PLCE1: variants seen among roughly 807,000 people sequenced by gnomAD.
PLCE1 encodes the protein phospholipase C epsilon 1, also known as 1-phosphatidylinositol 4,5-bisphosphate phosphodiesterase epsilon-1.
PLCE1 carries 119 observed loss-of-function variants against 242.8 expected under a neutral mutation model. The observed-to-expected ratio is 0.49, with a 90% confidence interval of 0.42 to 0.57. The LOEUF is 0.57. Among genes scored for constraint, PLCE1 ranks in the 20% least tolerant of loss-of-function variants. PLCE1 has a pLI of 0.00. For missense variants in PLCE1, 2,441 were observed against 2,788.8 expected, an observed-to-expected ratio of 0.88 and a Z score of 2.81; for synonymous variants, 945 against 1,017.4, an observed-to-expected ratio of 0.93 and a Z score of 1.35.
At chr10:94,016,940 T>TA (rs1425281161) in intron 1 of PLCE1, among the ~76,000 whole-genome samples, 1 of 152,206 alleles carries the variant, frequency 6.6e-6, no homozygotes, top group Non-Finnish European at 1.5e-5. Context: ...GTAATGATAT[T>TA]AAAAAATGAA....
intron 21 of PLCE1, 140 bp from the exon 22 acceptor site, chr10:94,284,708 G>A: frequency 1.5e-6 from 1 of 647,740 alleles, no homozygotes; most frequent in East Asian, 2.7e-5. Context: ...GAAAGCTGTT[G>A]GGACATGTAT....
intron 24 of PLCE1, among the ~76,000 whole-genome samples, chr10:94,302,512 T>C (rs2053073449): frequency 6.6e-6 from 1 of 151,964 alleles, no homozygotes; most frequent in Non-Finnish European, 1.5e-5. Context: ...TTGAGGTTGA[T>C]GTCATGATCA....
chr10:94,104,079 A>G (rs2045636796), intron 2 of PLCE1: 1 of 152,256 alleles, frequency 6.6e-6, no homozygotes, highest in East Asian at 1.9e-4. Flanking sequence ...AGGATGAGCA[A>G]GAGAGGAAGT....
rs751520919 is a variant in PLCE1 at position 94,236,001 on chromosome 10, C to T, written c.2301C>T (p.Val767=). The T allele has an allele frequency of 8.4e-5, 136 of 1,613,840 alleles. No homozygotes were observed. Among genetic ancestry groups the T allele is most frequent in the Non-Finnish European group, 1.0e-4 (118 of 1,179,904 alleles). Residue 767 remains valine, a synonymous_variant, in exon 7 of 33, where the codon GTC becomes GTT. Coordinates refer to ENST00000371380, the MANE Select transcript of PLCE1 (RefSeq NM_016341.4). The part of the protein sequence containing the change: ...GLKNSEKEST[V]NSIFQVIRSC... ...AGAATTCGGAGAAGGAGTCCACTGT[C>T]AACAGCATCTTTCAGGTCATCCGGA...
Position 94,328,213 on chromosome 10 carries a change from G to A in PLCE1, c.*270G>A, listed in dbSNP as rs533005572. On this transcript the variant is annotated 3_prime_UTR_variant, in exon 33 of 33. Transcript: ENST00000371380. ...GGAAAAATCGTCACGAATTGACTTA[G>A]AGCAAGGGTCAGCAAGCTTGTCTGT... The A allele has an allele frequency of 3.3e-6, 1 of 303,176 alleles. No homozygotes were observed. Among genetic ancestry groups the A allele is most frequent in the Non-Finnish European group, 6.9e-6 (1 of 144,858 alleles). The allele number at this position is 303,176 out of a possible 1,614,324, so 18.8% of individuals were successfully genotyped here. A position where few individuals can be genotyped will look rare whatever the true frequency, so the allele number is the denominator to read the frequency against.
intron 2 of PLCE1, among the ~76,000 whole-genome samples, chr10:94,111,128 G>T (rs1352278545): frequency 2.0e-5 from 3 of 152,198 alleles, no homozygotes; most frequent in African/African-American, 7.2e-5. Context: ...GTATTCAGTT[G>T]TACACAGCAA....
chr10:94,060,873 T>G (rs1331827807), intron 2 of PLCE1, among the ~76,000 whole-genome samples: 1 of 151,604 alleles, frequency 6.6e-6, no homozygotes, highest in African/African-American at 2.4e-5. Context: ...ATTTTTGTAT[T>G]TTTTGTAGAG....
chr10:94,042,242 A>G (rs1399148610), intron 2 of PLCE1, among the ~76,000 whole-genome samples: 1 of 152,148 alleles, frequency 6.6e-6, no homozygotes, highest in Non-Finnish European at 1.5e-5. Context: ...GTAGAAGGGC[A>G]GAGGATTTGG....
At chr10:93,998,482 C>A (rs1168477222) in intron 1 of PLCE1, among the ~76,000 whole-genome samples, 2 of 152,164 alleles carry the variant, frequency 1.3e-5, no homozygotes, top group African/African-American at 4.8e-5. Flanking sequence ...TTCGTAAATA[C>A]AAGATTCTCT....
At chr10:94,063,681 A>G (rs1048766511) in intron 2 of PLCE1, among the ~76,000 whole-genome samples, 9 of 152,268 alleles carry the variant, frequency 5.9e-5, no homozygotes, top group East Asian at 1.9e-4. Flanking sequence ...GGAGCATGCC[A>G]TTTAGTGAGG....
At chr10:94,021,866 T>G (rs1414016456) in intron 1 of PLCE1, among the ~76,000 whole-genome samples, 2 of 152,100 alleles carry the variant, frequency 1.3e-5, no homozygotes, top group Non-Finnish European at 2.9e-5. Flanking sequence ...TTATTTGTGA[T>G]AAAAATTTTC....
intron 3 of PLCE1, among the ~76,000 whole-genome samples, chr10:94,142,814 G>T (rs1377839729): frequency 6.6e-6 from 1 of 152,194 alleles, no homozygotes; most frequent in Non-Finnish European, 1.5e-5. Flanking sequence ...CTAAGGGGAG[G>T]TATCTAGTGG....
chr10:93,998,564 T>C (rs554651969), intron 1 of PLCE1, among the ~76,000 whole-genome samples: 1 of 152,298 alleles, frequency 6.6e-6, no homozygotes, highest in African/African-American at 2.4e-5. Flanking sequence ...AAAATAGCAA[T>C]AGTAATTGTA....
Position 94,031,982 on chromosome 10 carries a change from A to C in PLCE1, c.936A>C (p.Glu312Asp). Reference protein sequence around the residue: ...DFPDNCDDVEEDAFKSKKERS... With the variant: ...DFPDNCDDVEDDAFKSKKERS... ...CTGATAATTGTGATGATGTAGAAGA[A>C]GACGCTTTTAAAAGCAAAAAGGAGC... The change falls in exon 2 of 33, where the codon GAA becomes GAC. Residue 312 changes from glutamate to aspartate, a missense_variant. Physicochemically the swap from Glu to Asp is conservative, Grantham distance 45. Transcript: ENST00000371380. The C allele has an allele frequency of 6.2e-7, 1 of 1,613,824 alleles. No individual in the cohort carries two copies. The highest frequency in any genetic ancestry group is 1.3e-5 in the African/African-American group (1 of 75,026).
At chr10:94,274,273 T>G (rs949835389) in intron 19 of PLCE1, among the ~76,000 whole-genome samples, 2 of 152,174 alleles carry the variant, frequency 1.3e-5, no homozygotes, top group African/African-American at 4.8e-5. Flanking sequence ...TTTTCCAGTC[T>G]GCACCTACTT....
chr10:94,089,797 C>A (rs894150225), intron 2 of PLCE1, among the ~76,000 whole-genome samples: 6 of 152,068 alleles, frequency 3.9e-5, no homozygotes, highest in Non-Finnish European at 8.8e-5. Flanking sequence ...CTTCTTTTTG[C>A]AGATTTGGTT....
At chr10:94,274,046 C>G (rs2051849503) in intron 19 of PLCE1, among the ~76,000 whole-genome samples, 1 of 151,866 alleles carries the variant, frequency 6.6e-6, no homozygotes, top group Admixed American at 6.6e-5. Flanking sequence ...CTATAGTCCC[C>G]TTTAGGGAGA....
intron 4 of PLCE1, among the ~76,000 whole-genome samples, chr10:94,212,536 A>G (rs1038038078): frequency 2.6e-4 from 39 of 152,254 alleles, no homozygotes; most frequent in East Asian, 7.7e-4. Context: ...GATTACAGGC[A>G]TGAGCCACCA....
At chr10:94,250,052 T>G (rs1220278674) in intron 8 of PLCE1, among the ~76,000 whole-genome samples, 1 of 151,830 alleles carries the variant, frequency 6.6e-6, no homozygotes, top group Non-Finnish European at 1.5e-5. Flanking sequence ...TTAAGGAATC[T>G]ATTTTCTAAT....
Sources: gnomAD v4.1 joint callset for allele counts (sites outside exome capture counted in the v4.1 genomes callset) on GRCh38, gnomAD v4.1.1 for gene constraint, MANE v1.5 for transcripts, NCBI Gene and HGNC (gene_info 2026-07-23, HGNC 2026-07-21) for gene names.